Variants in COG6 observed in about 807,000 individuals in gnomAD.
The protein encoded by COG6 is conserved oligomeric Golgi complex subunit 6.
A neutral mutation model predicts 88.8 loss-of-function variants in COG6; 74 were observed. That is an observed-to-expected ratio of 0.83 (90% CI 0.69 to 1.01). The LOEUF (loss-of-function observed/expected upper bound fraction) is 1.01, where lower values mean the gene tolerates loss of function less well. Among genes scored for constraint, COG6 ranks in the 50% least tolerant of loss-of-function variants. The pLI, the probability that COG6 is intolerant of heterozygous loss-of-function variation, is 0.00. For synonymous variants in COG6, 286 were observed against 278.7 expected (o/e 1.03, Z -0.26); for missense variants, 800 against 797.9 (o/e 1.00, Z -0.03).
At chr13:39,766,994 T>C (rs1593481558) in intron 18 of COG6, among the ~76,000 whole-genome samples, 3 of 152,318 alleles carry the variant, frequency 2.0e-5, no homozygotes. Flanking sequence ...AGCTCTCTAA[T>C]GTTGACTTGA....
chr13:39,687,546 G>A lies in COG6; in HGVS notation c.832G>A (p.Val278Ile). The change falls in exon 9 of 19, where the codon GTT becomes ATT. Residue 278 changes from valine (V) to isoleucine (I), a missense_variant. Val to Ile is a conservative substitution (Grantham distance 29). Transcript: ENST00000455146. ...TGGAACAGCCAGAAGAAGTACAGTT[G>A]TTCGTGGATTTATTGATGCGCTCAC... ...EFGTARRSTV[V>I]RGFIDALTRG... 4.3e-6 allele frequency: 7 copies of A among 1,613,260 alleles called. No individual in the cohort carries two copies. The highest frequency in any genetic ancestry group is 5.9e-6 in the Non-Finnish European group (7 of 1,179,516).
At chr13:39,790,222 T>A (rs111288260) in exon 19 of COG6, 26 of 152,212 alleles carry the variant, frequency 1.7e-4, no homozygotes, top group African/African-American at 6.3e-4. Flanking sequence ...TTGAACAAAT[T>A]ATGTAATTTG....
chr13:39,673,044 C>T (rs1426225116), intron 4 of COG6, among the ~76,000 whole-genome samples: 1 of 151,814 alleles, frequency 6.6e-6, no homozygotes, highest in East Asian at 1.9e-4. Flanking sequence ...GGAGAAATGT[C>T]TATTTACGTC....
chr13:39,749,433 G>T (rs1880508847), intron 18 of COG6, among the ~76,000 whole-genome samples: 1 of 152,020 alleles, frequency 6.6e-6, no homozygotes, highest in Non-Finnish European at 1.5e-5. Flanking sequence ...TTGGAAATTG[G>T]GTTATATTGC....
chr13:39,787,611 T>C (rs1881814276), intron 18 of COG6, among the ~76,000 whole-genome samples: 1 of 152,126 alleles, frequency 6.6e-6, no homozygotes, highest in African/African-American at 2.4e-5. Context: ...TATATATTTA[T>C]GCACATACAC....
chr13:39,751,031 TAC>T lies in COG6; in HGVS notation c.1914_1915del (p.Tyr638Ter), dbSNP rs1215904929. ...AGCCGTGATGAATCCAATCAATGAA[TAC>T]AAAGATCCAGAGAACATTCTTCACC... ...YAAVMNPINE[Y>X]KDPENILHRS... On this transcript the variant is annotated frameshift_variant, in exon 19 of 19. Coordinates refer to ENST00000455146, the MANE Select transcript of COG6 (RefSeq NM_020751.3). LOFTEE classifies it high-confidence loss of function. 5.0e-6 allele frequency: 8 copies of T among 1,613,632 alleles called. No homozygotes were observed. The highest frequency in any genetic ancestry group is 5.9e-6 in the Non-Finnish European group (7 of 1,179,800).
At chr13:39,776,370 C>T (rs1881464060) in intron 18 of COG6, among the ~76,000 whole-genome samples, 1 of 152,132 alleles carries the variant, frequency 6.6e-6, no homozygotes, top group African/African-American at 2.4e-5. Flanking sequence ...GCAATCTGCC[C>T]TAAGTTTTTT....
chr13:39,699,364 A>G, intron 12 of COG6, 137 bp from the exon 13 acceptor site: 1 of 562,162 alleles, frequency 1.8e-6, no homozygotes. Flanking sequence ...ATGAAACTAG[A>G]GTATTTTTAA....
At chr13:39,703,983 C>T (rs923031949) in intron 13 of COG6, among the ~76,000 whole-genome samples, 21 of 151,972 alleles carry the variant, frequency 1.4e-4, no homozygotes, top group Non-Finnish European at 4.4e-5. Flanking sequence ...ATCCTCCTGC[C>T]TCAGCCTCCC....
chr13:39,656,061 C>A, intron 1 of COG6, 182 bp downstream of exon 1: 1 of 771,306 alleles, frequency 1.3e-6, no homozygotes. Context: ...AGGGGGAGCC[C>A]CAGCAACCTC....
chr13:39,736,104 T>A (rs1380044804), intron 18 of COG6, among the ~76,000 whole-genome samples: 3 of 152,096 alleles, frequency 2.0e-5, no homozygotes, highest in Non-Finnish European at 4.4e-5. Context: ...CACTAATCTC[T>A]CTCTGCCTCC....
intron 4 of COG6, among the ~76,000 whole-genome samples, chr13:39,668,576 C>T (rs927717546): frequency 3.3e-5 from 5 of 152,002 alleles, no homozygotes; most frequent in Non-Finnish European, 7.4e-5. Flanking sequence ...ATCACGAGGT[C>T]AGGAGATCGA....
intron 4 of COG6, among the ~76,000 whole-genome samples, chr13:39,668,974 A>T (rs923923454): frequency 6.6e-6 from 1 of 152,114 alleles, no homozygotes. Flanking sequence ...TTATTTTTAT[A>T]CATTTTATCA....
At chr13:39,742,575 C>A (rs1593466741) in intron 18 of COG6, among the ~76,000 whole-genome samples, 2 of 152,058 alleles carry the variant, frequency 1.3e-5, no homozygotes, top group East Asian at 3.9e-4. Flanking sequence ...ATATATGCAC[C>A]CAATACAGGA....
chr13:39,723,540 C>A, intron 16 of COG6, 100 bp downstream of exon 16: 1 of 732,922 alleles, frequency 1.4e-6, no homozygotes, highest in Non-Finnish European at 2.5e-6. Context: ...CACATATTAG[C>A]TGTGTTCTCC....
intron 18 of COG6, among the ~76,000 whole-genome samples, chr13:39,781,505 TGCAGGCTGTGATCGCTGAATAACCTTC>T (rs2138188532): frequency 6.6e-6 from 1 of 151,808 alleles, no homozygotes; most frequent in Non-Finnish European, 1.5e-5. Context: ...ATATTTTAGA[TGCAGGCTGTGATCGCTGAATAACCTTC>T]TTATTTTGAC....
At chr13:39,780,542 A>C (rs58885624) in intron 18 of COG6, among the ~76,000 whole-genome samples, 5,461 of 152,322 alleles carry the variant, frequency 0.036, 316 homozygotes, top group African/African-American at 0.12. Flanking sequence ...ATGACAAAAG[A>C]AACCCCATGG....
chr13:39,702,666 A>G (rs943023595), intron 13 of COG6, among the ~76,000 whole-genome samples: 6 of 152,070 alleles, frequency 3.9e-5, no homozygotes, highest in African/African-American at 1.4e-4. Context: ...ATGCTTGCCA[A>G]TACTTTTAAA....
At chr13:39,752,665 T>C (rs1308967299), downstream of COG6, 5 of 1,223,024 alleles carry the variant, frequency 4.1e-6, no homozygotes, top group African/African-American at 1.6e-5. Context: ...CCTGTAGATA[T>C]ATATCCTATT....
Sources: gnomAD v4.1 joint callset for allele counts (sites outside exome capture counted in the v4.1 genomes callset) on GRCh38, gnomAD v4.1.1 for gene constraint, MANE v1.5 for transcripts, NCBI Gene and HGNC (gene_info 2026-07-23, HGNC 2026-07-21) for gene names.